CDC40: variants seen among roughly 807,000 people sequenced by gnomAD.
The protein encoded by CDC40 is cell division cycle 40, also known as pre-mRNA-processing factor 17.
In CDC40, 27 loss-of-function variants were observed where a neutral mutation model predicts 80.6. The ratio of observed to expected loss-of-function variants is 0.33; its 90% CI spans 0.25 to 0.46. The LOEUF (loss-of-function observed/expected upper bound fraction) is 0.46. Among genes scored for constraint, CDC40 ranks in the 20% least tolerant of loss-of-function variants. CDC40 has a pLI of 1.00. For missense variants in CDC40, 486 were observed against 694.1 expected (o/e 0.70, Z 3.37); for synonymous variants, 221 against 232.6 (o/e 0.95, Z 0.45).
rs1777739127 is a variant in CDC40 at position 110,219,351 on chromosome 6, T to TCCA, written c.1091-12_1091-11insCAC. The TCCA allele has an allele frequency of 8.5e-7, 1 of 1,172,968 alleles. No individual in the cohort carries two copies. Among genetic ancestry groups the TCCA allele is most frequent in the Non-Finnish European group, 1.3e-6 (1 of 794,894 alleles). The allele number at this position is 1,172,968 out of a possible 1,614,324, so 72.7% of individuals were successfully genotyped here. A position where few individuals can be genotyped will look rare whatever the true frequency, so the allele number is the denominator to read the frequency against. ...ATTTATTTTACCTATTTAATTTGAG[T>TCCA]CTTTGGTTTTAGGACAGTGTATATC... On this transcript the variant is annotated splice_polypyrimidine_tract_variant and intron_variant, in intron 10 of 14. Transcript: ENST00000307731.
intron 2 of CDC40, among the ~76,000 whole-genome samples, chr6:110,197,697 C>T (rs1163879544): frequency 6.6e-6 from 1 of 150,448 alleles, no homozygotes; most frequent in Non-Finnish European, 1.5e-5. Flanking sequence ...TGTCCCAGCA[C>T]CTGGCTTATT....
At chr6:110,197,937 G>A (rs1372538110) in intron 2 of CDC40, among the ~76,000 whole-genome samples, 1 of 152,052 alleles carries the variant, frequency 6.6e-6, no homozygotes, top group African/African-American at 2.4e-5. Flanking sequence ...GGGGTCATAT[G>A]GTAGTTCTAT....
intron 2 of CDC40, among the ~76,000 whole-genome samples, chr6:110,196,785 G>A (rs567820336): frequency 1.1e-4 from 16 of 152,130 alleles, no homozygotes; most frequent in African/African-American, 3.6e-4. Flanking sequence ...TACTAGATAT[G>A]ACATGATATC....
At chr6:110,213,040 G>C (rs777095922) in intron 7 of CDC40, 46 bp from the exon 8 acceptor site, 2 of 1,252,510 alleles carry the variant, frequency 1.6e-6, no homozygotes, top group Non-Finnish European at 2.4e-6. Context: ...CATTTGAGCT[G>C]ATCTTTTGAA....
Position 110,201,545 on chromosome 6 carries a change from T to C in CDC40, c.277-13T>C. On this transcript the variant is annotated splice_polypyrimidine_tract_variant and intron_variant, in intron 2 of 14. Transcript: ENST00000307731. ...TCTTATTTTATTTTATTTTTTTTCT[T>C]GTAACATTGCAGTTTGGACCAGAAA... The C allele has an allele frequency of 6.3e-7, 1 of 1,576,312 alleles. No homozygotes were observed. The highest frequency in any genetic ancestry group is 8.6e-7 in the Non-Finnish European group (1 of 1,160,354).
At chr6:110,223,847 GTT>G (rs1314660271) in intron 12 of CDC40, among the ~76,000 whole-genome samples, 1 of 146,700 alleles carries the variant, frequency 6.8e-6, no homozygotes, top group Non-Finnish European at 1.5e-5. Context: ...GTTTTGTTTT[GTT>G]TGAGACAGAG....
chr6:110,220,052 G>A (rs1403048197), intron 12 of CDC40, among the ~76,000 whole-genome samples, 183 bp downstream of exon 12: 1 of 152,140 alleles, frequency 6.6e-6, no homozygotes, highest in African/African-American at 2.4e-5. Flanking sequence ...ATCCAAACAT[G>A]CTACCATTTA....
In CDC40 at chr6:110,219,590, C is replaced by T. The variant is rs1314649901; in HGVS notation, c.1206+111C>T. 5.5e-5 allele frequency: 61 copies of T among 1,111,064 alleles called. 1 individual carries two copies. The highest frequency in any genetic ancestry group is 1.5e-4 in the East Asian group (6 of 41,284). 68.8% of individuals were successfully genotyped at this position (1,111,064 alleles called of 1,614,324 possible). Reference sequence around the variant, plus strand: ...ATTTAATGTTTGCTACTTTTAGGGACGGCTAATGCACCATTCTTAGCAGAA... The same window carrying T: ...ATTTAATGTTTGCTACTTTTAGGGATGGCTAATGCACCATTCTTAGCAGAA... On this transcript the variant is annotated intron_variant, in intron 11 of 14. Transcript: ENST00000307731.
At chr6:110,190,733 G>A (rs575059451) in intron 1 of CDC40, among the ~76,000 whole-genome samples, 1 of 152,284 alleles carries the variant, frequency 6.6e-6, no homozygotes, top group South Asian at 2.1e-4. Flanking sequence ...GACCGAGCTA[G>A]GGGAGGGTCC....
intron 12 of CDC40, 124 bp from the exon 13 acceptor site, chr6:110,226,043 G>T (rs1463138404): frequency 1.6e-6 from 1 of 611,404 alleles, no homozygotes; most frequent in Non-Finnish European, 2.9e-6. Flanking sequence ...TTTCATGAAA[G>T]ATTTATTAAA....
At position 110,193,246 on chromosome 6, in the gene CDC40, A is replaced by G. The variant is rs779821764; in HGVS notation, c.254A>G (p.Tyr85Cys). ...AAAGAAGTTCAGTATAATCCTACCT[A>G]TGAGACCATGTTTGCTCCTGAGGTA... is the stretch of plus-strand genomic sequence containing the variant. ...AVKEVQYNPT[Y>C]ETMFAPEFGP... The change falls in exon 2 of 15, where the codon TAT becomes TGT. Residue 85 changes from tyrosine to cysteine, a missense_variant. Around this residue, in one of 3 missense-constraint regions of CDC40, gnomAD observed 381 missense variants for 492.1 expected, o/e 0.77. Transcript: ENST00000307731. 1 of 1,604,442 alleles carries G rather than the reference A, an allele frequency of 6.2e-7. No homozygotes were observed. Among genetic ancestry groups the G allele is most frequent in the East Asian group, 2.2e-5 (1 of 44,798 alleles).
intron 3 of CDC40, among the ~76,000 whole-genome samples, chr6:110,203,127 T>G (rs1436010193): frequency 6.6e-6 from 1 of 152,152 alleles, no homozygotes; most frequent in African/African-American, 2.4e-5. Flanking sequence ...AGACAGTTTA[T>G]TAAGTTCAAG....
At chr6:110,185,464 G>A (rs947302595) in intron 1 of CDC40, among the ~76,000 whole-genome samples, 5 of 151,568 alleles carry the variant, frequency 3.3e-5, no homozygotes, top group South Asian at 2.1e-4. Flanking sequence ...GGATGGTCTC[G>A]ATCTCCTGAC....
In CDC40 at chr6:110,231,475, G is replaced by A. The variant is rs1777937067; in HGVS notation, c.*1344G>A. Reference sequence around the variant, plus strand: ...AGATCATGCCACTGCACTCCAGCCTGGGCGACAGAGCGAGACTCCACCTCA... The same window carrying A: ...AGATCATGCCACTGCACTCCAGCCTAGGCGACAGAGCGAGACTCCACCTCA... On this transcript the variant is annotated 3_prime_UTR_variant, in exon 15 of 15. Transcript: ENST00000307731. 1 of 152,272 alleles carries A rather than the reference G, an allele frequency of 6.6e-6. No homozygotes were observed. Among genetic ancestry groups the A allele is most frequent in the African/African-American group, 2.4e-5 (1 of 41,430 alleles). The allele number at this position is 152,272 out of a possible 1,614,324, so 9.4% of individuals were successfully genotyped here.
At chr6:110,207,701 A>T (rs1270803868) in intron 4 of CDC40, 112 bp downstream of exon 4, 245 of 588,570 alleles carry the variant, frequency 4.2e-4, no homozygotes, top group Non-Finnish European at 5.0e-4. Context: ...TTTTTTTTTT[A>T]AAGTTGAAAC....
chr6:110,188,528 G>A (rs1777303989), intron 1 of CDC40, among the ~76,000 whole-genome samples: 2 of 152,080 alleles, frequency 1.3e-5, no homozygotes, highest in Non-Finnish European at 2.9e-5. Flanking sequence ...CCTTTCTTAA[G>A]GGTCTTAATT....
At chr6:110,212,004 T>G in intron 6 of CDC40, 129 bp from the exon 7 acceptor site, 1 of 676,426 alleles carries the variant, frequency 1.5e-6, no homozygotes, top group Non-Finnish European at 2.5e-6. Flanking sequence ...CTTGACATCA[T>G]TGGAGTGTTA....
intron 2 of CDC40, among the ~76,000 whole-genome samples, chr6:110,199,331 G>C (rs1285589772): frequency 2.0e-5 from 3 of 151,624 alleles, no homozygotes; most frequent in Non-Finnish European, 4.4e-5. Flanking sequence ...GGTGGCTCAT[G>C]CCTATAGACA....
rs374330709 is a variant in CDC40, at chr6:110,207,620, A to G, written c.490+31A>G. On this transcript the variant is annotated intron_variant, in intron 4 of 14. Transcript: ENST00000307731. ...TTATTTGAAACATTTGATATCATATATACCTACACATCTATAATTAGTGTC... is the reference window on the plus strand; with the variant it reads ...TTATTTGAAACATTTGATATCATATGTACCTACACATCTATAATTAGTGTC... 1.0e-3 allele frequency: 1,060 copies of G among 1,060,784 alleles called. 13 individuals carry two copies. The highest frequency in any genetic ancestry group is 1.9e-4 in the Non-Finnish European group (132 of 679,130). 65.7% of individuals were successfully genotyped at this position (1,060,784 alleles called of 1,614,324 possible).
Sources: gnomAD v4.1 joint callset for allele counts (sites outside exome capture counted in the v4.1 genomes callset) on GRCh38, gnomAD v4.1.1 for gene constraint, gnomAD v4.1.1 regional missense constraint, MANE v1.5 for transcripts, NCBI Gene and HGNC (gene_info 2026-07-23, HGNC 2026-07-21) for gene names.